The following ZNF581 variants were observed in gnomAD, a reference collection of about 807,000 sequenced individuals.
ZNF581 encodes zinc finger protein 581.
Under a neutral mutation model 1.2 loss-of-function variants are expected in ZNF581, and 1 was observed. The observed-to-expected ratio is 0.83, with a 90% CI of 0.30 to 3.95. The LOEUF (loss-of-function observed/expected upper bound fraction) is 3.95. Ranked by LOEUF, ZNF581 falls within the 30% of genes most tolerant of loss-of-function variation. ZNF581 has a pLI of 0.18. For synonymous variants in ZNF581, 105 were observed against 109.2 expected, an observed-to-expected ratio of 0.96 and a Z score of 0.24; for missense variants, 273 against 274.6, an observed-to-expected ratio of 0.99 and a Z score of 0.04.
upstream of ZNF581, chr19:55,642,240 T>A: frequency 8.2e-7 from 1 of 1,215,036 alleles, no homozygotes; most frequent in Non-Finnish European, 1.0e-6. Context: ...AGACCTGACC[T>A]GAGTGGTGAG....
At chr19:55,639,275 C>T (rs927822800), upstream of ZNF581, among the ~76,000 whole-genome samples, 1 of 152,060 alleles carries the variant, frequency 6.6e-6, no homozygotes, top group African/African-American at 2.4e-5. Context: ...ACAGGATGGG[C>T]CCCCACAACA....
Position 55,645,018 on chromosome 19 carries a change from C to A in ZNF581, c.447C>A (p.Leu149=). ...AGGGRPHGCP[L]CPRRFRDAGE... ...GTGGGCGGCCCCACGGCTGCCCGCTCTGCCCTCGCCGCTTCCGGGATGCGG... is the reference window on the plus strand; with the variant it reads ...GTGGGCGGCCCCACGGCTGCCCGCTATGCCCTCGCCGCTTCCGGGATGCGG... The change falls in exon 2 of 2, where the codon CTC becomes CTA. Residue 149 remains leucine (L), a synonymous_variant. Coordinates refer to ENST00000270451, the MANE Select transcript of ZNF581 (RefSeq NM_016535.4). The A allele has an allele frequency of 6.3e-7, 1 of 1,593,434 alleles. No homozygotes were observed. The highest frequency in any genetic ancestry group is 8.6e-7 in the Non-Finnish European group (1 of 1,164,666).
In ZNF581 at chr19:55,645,418, T is replaced by A. The variant is rs1317813724; in HGVS notation, c.*253T>A. On this transcript the variant is annotated 3_prime_UTR_variant, in exon 2 of 2. Coordinates refer to ENST00000270451, the MANE Select transcript of ZNF581 (RefSeq NM_016535.4). ...CCTCTAGCCTAAAGATATCAGCTGTTCCATGGCAGAGCCTTGACTGGATGG... is the reference window on the plus strand; with the variant it reads ...CCTCTAGCCTAAAGATATCAGCTGTACCATGGCAGAGCCTTGACTGGATGG... 2.6e-6 allele frequency: 1 copy of A among 387,118 alleles called. No individual in the cohort carries two copies. Among genetic ancestry groups the A allele is most frequent in the Non-Finnish European group, 4.8e-6 (1 of 207,816 alleles). 24.0% of individuals were successfully genotyped at this position (387,118 alleles called of 1,614,324 possible).
At chr19:55,640,953 G>C (rs1176039728), upstream of ZNF581, 1 of 985,304 alleles carries the variant, frequency 1.0e-6, no homozygotes, top group Admixed American at 6.1e-5. Flanking sequence ...GGGAGCGCCG[G>C]CTCCAGGCGG....
chr19:55,635,569 C>A, exon 1 of ZNF581: 2 of 662,890 alleles, frequency 3.0e-6, no homozygotes, highest in Non-Finnish European at 3.8e-6. Flanking sequence ...CCTCGCTGGA[C>A]CGTTGAGAGG....
At chr19:55,642,980 C>G, upstream of ZNF581, 1 of 1,378,612 alleles carries the variant, frequency 7.3e-7, no homozygotes, top group East Asian at 3.0e-5. Context: ...CTGCCCACGC[C>G]GCTTCCAGGA....
At chr19:55,640,870 G>C, upstream of ZNF581, 1 of 985,260 alleles carries the variant, frequency 1.0e-6, no homozygotes. Context: ...CGGGGCCGCC[G>C]GGGGCGGGCG....
chr19:55,635,602 A>C (rs954143911), exon 1 of ZNF581: 33 of 890,416 alleles, frequency 3.7e-5, no homozygotes, highest in Admixed American at 1.2e-4. Flanking sequence ...CCTGGATATG[A>C]ATATGCAGTG....
In ZNF581 at chr19:55,645,149, G is replaced by A. The variant is rs772112131; in HGVS notation, c.578G>A (p.Arg193Gln). Residue 193 changes from arginine to glutamine, a missense_variant, in exon 2 of 2, where the codon CGG becomes CAG. By Grantham distance (43) the Arg-to-Gln change is conservative (BLOSUM62 1). Transcript: ENST00000270451. ...CAGAACACACTGCAGAAACACACGC[G>A]GTGGAAGCATCCATGAGCCGGGCTG... Reference protein sequence around the residue: ...MEQNTLQKHTRWKHP With the variant: ...MEQNTLQKHTQWKHP 1.1e-5 allele frequency: 17 copies of A among 1,514,800 alleles called. No homozygotes were observed. The highest frequency in any genetic ancestry group is 4.0e-5 in the South Asian group (3 of 75,864). 93.8% of individuals were successfully genotyped at this position (1,514,800 alleles called of 1,614,324 possible).
At chr19:55,640,292 C>T, upstream of ZNF581, 2 of 985,482 alleles carry the variant, frequency 2.0e-6, no homozygotes, top group South Asian at 4.7e-5. Flanking sequence ...GCATGCGCAG[C>T]CAGCGCCCGG....
upstream of ZNF581, among the ~76,000 whole-genome samples, chr19:55,639,901 G>A (rs1600040893): frequency 2.6e-5 from 4 of 152,182 alleles, no homozygotes; most frequent in South Asian, 8.3e-4. Flanking sequence ...ACAGGTGTGA[G>A]CCACCGTGCT....
Position 55,644,547 on chromosome 19 carries a change from C to T in ZNF581, c.-19-6C>T. 6.5e-7 allele frequency: 1 copy of T among 1,537,082 alleles called. No individual in the cohort carries two copies. The highest frequency in any genetic ancestry group is 8.8e-7 in the Non-Finnish European group (1 of 1,137,348). ...TAACCTTCTTATCCCATCTCCCATC[C>T]ACCAGGCCTCAGCCAGCCCTCCGGA... On this transcript the variant is annotated splice_region_variant and splice_polypyrimidine_tract_variant and intron_variant, in intron 1 of 1. Coordinates refer to ENST00000270451, the MANE Select transcript of ZNF581 (RefSeq NM_016535.4). The surrounding 1 kb of genome is among the most constrained non-coding windows in gnomAD (Gnocchi z 4.3).
chr19:55,636,561 C>T (rs1982103245), upstream of ZNF581, among the ~76,000 whole-genome samples: 1 of 151,948 alleles, frequency 6.6e-6, no homozygotes, highest in South Asian at 2.1e-4. Flanking sequence ...GATTCCTTAC[C>T]GTTTCCTGAA....
At chr19:55,642,144 A>G (rs781683253), upstream of ZNF581, 3 of 1,029,622 alleles carry the variant, frequency 2.9e-6, no homozygotes, top group Non-Finnish European at 3.5e-6. Flanking sequence ...CTAAGATGTA[A>G]AGAGGTAAAC....
At chr19:55,639,694 G>T (rs1169675803), upstream of ZNF581, among the ~76,000 whole-genome samples, 1 of 152,146 alleles carries the variant, frequency 6.6e-6, no homozygotes, top group Admixed American at 6.5e-5. Context: ...TTGGCACACT[G>T]CAACCTCCAC....
upstream of ZNF581, among the ~76,000 whole-genome samples, chr19:55,639,020 A>G (rs1229138410): frequency 1.3e-5 from 2 of 150,824 alleles, no homozygotes; most frequent in African/African-American, 2.4e-5. Flanking sequence ...AAAAAAAAAA[A>G]AAAAGAAAAA....
At chr19:55,641,519 G>A (rs1251820899), upstream of ZNF581, among the ~76,000 whole-genome samples, 2 of 152,172 alleles carry the variant, frequency 1.3e-5, no homozygotes, top group East Asian at 1.9e-4. Context: ...TCCTGGAAGA[G>A]GTGAACACGA....
upstream of ZNF581, chr19:55,642,638 G>T: frequency 7.0e-7 from 1 of 1,437,760 alleles, no homozygotes; most frequent in East Asian, 2.8e-5. Flanking sequence ...CTCGGCGGCG[G>T]GGCCCCGACC....
chr19:55,635,576 G>A lies in ZNF581; in HGVS notation c.-156G>A, dbSNP rs1028292288. 6.9e-6 allele frequency: 5 copies of A among 723,542 alleles called. No individual in the cohort carries two copies. The African/African-American group carries it at 9.6e-5, about 14-fold the overall frequency. The allele number at this position is 723,542 out of a possible 1,614,324, so 44.8% of individuals were successfully genotyped here. On this transcript the variant is annotated 5_prime_UTR_variant, in exon 1 of 2. Coordinates refer to the ZNF581 transcript ENST00000587252. ...ATTGCCAGCCTCGCTGGACCGTTGA[G>A]AGGATTCATCGAGACCCTGGATATG...
Sources: gnomAD v4.1 joint callset for allele counts (sites outside exome capture counted in the v4.1 genomes callset) on GRCh38, gnomAD v4.1.1 for gene constraint, Gnocchi (gnomAD v3.1) non-coding constraint, MANE v1.5 for transcripts, NCBI Gene and HGNC (gene_info 2026-07-23, HGNC 2026-07-21) for gene names.